WWOX: variants seen among roughly 807,000 people sequenced by gnomAD.
The protein encoded by WWOX is WW domain-containing oxidoreductase.
In WWOX, 69 loss-of-function variants were observed where a neutral mutation model predicts 46.2. The observed-to-expected ratio is 1.49, with a 90% confidence interval of 1.23 to 1.82. WWOX has a LOEUF of 1.82. Among genes scored for constraint, WWOX ranks in the 40% most tolerant of loss-of-function variants. The probability of loss-of-function intolerance (pLI) is 0.00; values close to 1 mark genes in which losing one functional copy is unlikely to be tolerated. For synonymous variants in WWOX, 359 were observed against 202.6 expected, an observed-to-expected ratio of 1.77 and a Z score of -6.56; for missense variants, 919 against 542.6, an observed-to-expected ratio of 1.69 and a Z score of -6.89.
rs1013989174 is a variant in WWOX at position 78,339,878 on chromosome 16, G to T, written c.517-46982G>T. Among the ~76,000 whole-genome samples, 4 of 115,664 alleles carry T rather than the reference G, an allele frequency of 3.5e-5. 1 individual carries two copies. The highest frequency in any genetic ancestry group is 8.2e-5 in the Non-Finnish European group (4 of 48,968). 75.9% of individuals were successfully genotyped at this position (115,664 alleles called of 152,430 possible). A position where few individuals can be genotyped will look rare whatever the true frequency, so the allele number is the denominator to read the frequency against. ...ACCCCTTGCTGCTATCCAAATAGGA[G>T]ACTGTTCCCTTTCAAGAGAATTTTA... is the stretch of plus-strand genomic sequence containing the variant. On this transcript the variant is annotated intron_variant, in intron 5 of 8. Coordinates refer to ENST00000566780, the MANE Select transcript of WWOX (RefSeq NM_016373.4).
chr16:78,423,860 T>A lies in WWOX; in HGVS notation c.606-1010T>A, dbSNP rs529657613. On this transcript the variant is annotated intron_variant, in intron 6 of 8. Coordinates refer to ENST00000566780, the MANE Select transcript of WWOX (RefSeq NM_016373.4). ...GATCTTGTCAAAAAAAAAAAAAAAATTAAATATATACAAAATAAGGGAGAA... is the reference window on the plus strand; with the variant it reads ...GATCTTGTCAAAAAAAAAAAAAAAAATAAATATATACAAAATAAGGGAGAA... Among the ~76,000 whole-genome samples, 659 of 149,222 alleles carry A rather than the reference T, an allele frequency of 4.4e-3. 4 individuals are homozygous for A. Among genetic ancestry groups the A allele is most frequent in the Non-Finnish European group, 4.8e-3 (322 of 67,104 alleles).
At position 78,844,493 on chromosome 16, in the gene WWOX, T is replaced by G. The variant is rs575601560; in HGVS notation, c.1057-367115T>G. 2.7e-3 allele frequency among the ~76,000 whole-genome samples: 404 copies of G among 152,168 alleles called. 4 individuals are homozygous for G. Among genetic ancestry groups the G allele is most frequent in the Non-Finnish European group, 4.4e-3 (301 of 68,012 alleles). ...TTACCAGTGATAATTATGAATCTCATAATGGAAAACATCCCGAGCCCGAAC... is the reference window on the plus strand; with the variant it reads ...TTACCAGTGATAATTATGAATCTCAGAATGGAAAACATCCCGAGCCCGAAC... On this transcript the variant is annotated intron_variant, in intron 8 of 8. Transcript: ENST00000566780.
At chr16:78,541,460 C>T (rs1374526526) in intron 8 of WWOX, among the ~76,000 whole-genome samples, 12 of 101,404 alleles carry the variant, frequency 1.2e-4, no homozygotes, top group Admixed American at 5.2e-4. Context: ...GGCGACAGAG[C>T]GAGACTCCGT....
intron 8 of WWOX, among the ~76,000 whole-genome samples, chr16:78,709,615 C>A (rs1210264783): frequency 6.6e-6 from 1 of 152,178 alleles, no homozygotes; most frequent in Admixed American, 6.5e-5. Context: ...CTGTGGGTAC[C>A]TTCACATTTC....
intron 8 of WWOX, among the ~76,000 whole-genome samples, chr16:78,560,592 T>G (rs2044412141): frequency 6.6e-6 from 1 of 152,122 alleles, no homozygotes; most frequent in African/African-American, 2.4e-5. Flanking sequence ...TGCAGTGAGC[T>G]GAGATCACGC....
intron 8 of WWOX, among the ~76,000 whole-genome samples, chr16:78,726,766 C>G (rs1188864830): frequency 6.6e-6 from 1 of 151,370 alleles, no homozygotes; most frequent in Non-Finnish European, 1.5e-5. Flanking sequence ...GAATTTCCCT[C>G]TGTGGTGAGA....
At chr16:78,796,114 C>T (rs75892617) in intron 8 of WWOX, among the ~76,000 whole-genome samples, 7 of 152,184 alleles carry the variant, frequency 4.6e-5, no homozygotes, top group African/African-American at 1.7e-4. Context: ...CTAGCTATCA[C>T]ATTTAGAAAC....
chr16:78,642,312 A>C (rs2046738770), intron 8 of WWOX, among the ~76,000 whole-genome samples: 1 of 152,182 alleles, frequency 6.6e-6, no homozygotes, highest in Non-Finnish European at 1.5e-5. Flanking sequence ...AGGACTAGGA[A>C]TCAGAGTTGG....
In WWOX at chr16:78,768,218, G is replaced by A. The variant is rs548200619; in HGVS notation, c.1056+335466G>A. Among the ~76,000 whole-genome samples the A allele has an allele frequency of 1.9e-3, 269 of 142,660 alleles. 1 individual carries two copies. The highest frequency in any genetic ancestry group is 6.3e-3 in the African/African-American group (244 of 38,488). The allele number at this position is 142,660 out of a possible 152,430, so 93.6% of individuals were successfully genotyped here. ...GCCAGTATGATTCTGAAGCAACTAG[G>A]TCACAGTAGAAAAAAGTTGGAGAGT... On this transcript the variant is annotated intron_variant, in intron 8 of 8. Transcript: ENST00000566780.
intron 8 of WWOX, among the ~76,000 whole-genome samples, chr16:79,151,953 T>C (rs2050287749): frequency 6.6e-6 from 1 of 152,196 alleles, no homozygotes; most frequent in South Asian, 2.1e-4. Context: ...ATCTGGGCTC[T>C]GAGTCTTTAA....
At chr16:78,099,992 A>C (rs1166443239) in intron 1 of WWOX, 107 bp downstream of exon 1, 4 of 1,510,860 alleles carry the variant, frequency 2.6e-6, no homozygotes, top group Non-Finnish European at 3.5e-6. Flanking sequence ...GTGCGGTGCA[A>C]AGTGAAAGTA....
At chr16:78,518,641 T>A (rs186225974) in intron 8 of WWOX, among the ~76,000 whole-genome samples, 2 of 152,280 alleles carry the variant, frequency 1.3e-5, no homozygotes, top group East Asian at 3.9e-4. Flanking sequence ...GCATCTAGAT[T>A]TCATTTATTT....
intron 8 of WWOX, among the ~76,000 whole-genome samples, chr16:78,811,361 C>G (rs981236959): frequency 1.1e-4 from 16 of 152,132 alleles, no homozygotes; most frequent in African/African-American, 3.6e-4. Flanking sequence ...ATTTATGTCA[C>G]TAGAATTCCT....
chr16:78,915,981 G>T (rs1192551646), intron 8 of WWOX, among the ~76,000 whole-genome samples: 1 of 152,158 alleles, frequency 6.6e-6, no homozygotes, highest in African/African-American at 2.4e-5. Flanking sequence ...TGATAGTGGG[G>T]CCTCAGATTT....
At position 78,871,859 on chromosome 16, in the gene WWOX, T is replaced by C. The variant is rs187772016; in HGVS notation, c.1057-339749T>C. On this transcript the variant is annotated intron_variant, in intron 8 of 8. Transcript: ENST00000566780. ...CTCAAGTGATCCGCCCACCTTGGCCTCCCAAAGCGCTGGGATTACAGGTGT... is the reference window on the plus strand; with the variant it reads ...CTCAAGTGATCCGCCCACCTTGGCCCCCCAAAGCGCTGGGATTACAGGTGT... Among the ~76,000 whole-genome samples the C allele has an allele frequency of 5.7e-3, 863 of 152,256 alleles. 6 individuals are homozygous for C. The highest frequency in any genetic ancestry group is 0.019 in the African/African-American group (808 of 41,542).
At chr16:79,162,353 G>A (rs138672543) in intron 8 of WWOX, among the ~76,000 whole-genome samples, 1,627 of 152,222 alleles carry the variant, frequency 0.011, 32 homozygotes, top group Non-Finnish European at 0.01. Flanking sequence ...TTAAGGCCAC[G>A]CAGACCAGAG....
intron 5 of WWOX, among the ~76,000 whole-genome samples, chr16:78,371,592 T>C (rs1019474817): frequency 6.6e-6 from 1 of 152,224 alleles, no homozygotes; most frequent in Non-Finnish European, 1.5e-5. Context: ...CATCTTTTTG[T>C]TTATGGCTGT....
At chr16:78,909,942 A>T (rs553870993) in intron 8 of WWOX, among the ~76,000 whole-genome samples, 1 of 152,346 alleles carries the variant, frequency 6.6e-6, no homozygotes, top group African/African-American at 2.4e-5. Context: ...CTGGGGTTTC[A>T]TCTTCTCTCC....
At chr16:78,326,798 TTA>T (rs1181681233) in intron 5 of WWOX, among the ~76,000 whole-genome samples, 4 of 121,568 alleles carry the variant, frequency 3.3e-5, no homozygotes, top group South Asian at 2.6e-4. Flanking sequence ...AGATATAACT[TTA>T]ATTGTCAAAA....
Sources: allele counts gnomAD v4.1 joint callset (sites outside exome capture counted in the v4.1 genomes callset), GRCh38; gene constraint gnomAD v4.1.1; transcripts MANE v1.5; gene names NCBI Gene and HGNC (gene_info 2026-07-23, HGNC 2026-07-21).